Variants in INPP4B observed in about 807,000 individuals in gnomAD.
INPP4B encodes the protein inositol polyphosphate-4-phosphatase type II B.
In INPP4B, 55 loss-of-function variants were observed where a neutral mutation model predicts 122.5. That is an observed-to-expected ratio of 0.45 (90% CI 0.36 to 0.56). The LOEUF is 0.56. INPP4B is among the 20% of genes least tolerant of loss of function. The pLI is 0.00. For missense variants in INPP4B, 1,000 were observed against 1,097.7 expected (o/e 0.91, Z 1.26); for synonymous variants, 403 against 388.7 (o/e 1.04, Z -0.43).
chr4:142,631,533 C>T lies in INPP4B; in HGVS notation c.-191+94306G>A, dbSNP rs542202762. ...GATAATTGCATTATTGGAAACAATA[C>T]GGACTAAAAACGTTCCAAAATTTAT... On this transcript the variant is annotated intron_variant, in intron 2 of 25. Coordinates refer to ENST00000262992, the MANE Select transcript of INPP4B (RefSeq NM_001101669.3). Among the ~76,000 whole-genome samples, 8 of 152,040 alleles carry T rather than the reference C, an allele frequency of 5.3e-5. No individual in the cohort carries two copies. The East Asian group carries it at 5.8e-4, about 11-fold the overall frequency.
intron 5 of INPP4B, among the ~76,000 whole-genome samples, chr4:142,415,998 T>A (rs1189206751): frequency 6.8e-6 from 1 of 146,146 alleles, no homozygotes; most frequent in Non-Finnish European, 1.5e-5. Flanking sequence ...CTCTGGGGAC[T>A]GTTGTGGGGT....
At chr4:142,053,081 C>T (rs2152401189) in intron 25 of INPP4B, among the ~76,000 whole-genome samples, 1 of 152,132 alleles carries the variant, frequency 6.6e-6, no homozygotes, top group South Asian at 2.1e-4. Context: ...GAGGTATTGT[C>T]TGGGAGAGAC....
At chr4:142,098,138 G>C (rs965997609) in intron 23 of INPP4B, among the ~76,000 whole-genome samples, 6 of 152,078 alleles carry the variant, frequency 3.9e-5, no homozygotes, top group Non-Finnish European at 7.4e-5. Flanking sequence ...TGACCTATAA[G>C]GGGGAAGGCA....
rs562270124 is a variant in INPP4B, at chr4:142,075,739, A to G, written c.2642+6292T>C. Among the ~76,000 whole-genome samples the G allele has an allele frequency of 3.3e-5, 5 of 152,128 alleles. No homozygotes were observed. The South Asian group carries it at 1.0e-3, about 32-fold the overall frequency. On this transcript the variant is annotated intron_variant, in intron 25 of 25. Coordinates refer to ENST00000262992, the MANE Select transcript of INPP4B (RefSeq NM_001101669.3). ...CCACTGGGTGCAGAGACTTTAAGTC[A>G]TCTCATTTATCACAACACTCACAAG...
chr4:142,554,755 G>T (rs1728787051), intron 2 of INPP4B, among the ~76,000 whole-genome samples: 1 of 152,188 alleles, frequency 6.6e-6, no homozygotes, highest in Admixed American at 6.5e-5. Context: ...AAAAAAGAGT[G>T]TTATTTGTTA....
At position 142,099,436 on chromosome 4, in the gene INPP4B, T is replaced by A. The variant is rs575011511; in HGVS notation, c.2374+8657A>T. On this transcript the variant is annotated intron_variant, in intron 23 of 25. Coordinates refer to ENST00000262992, the MANE Select transcript of INPP4B (RefSeq NM_001101669.3). ...GATAACTGACTGGATTTTTCATTTATATATTTGGATGTCTACATGGTATGA... is the reference window on the plus strand; with the variant it reads ...GATAACTGACTGGATTTTTCATTTAAATATTTGGATGTCTACATGGTATGA... 1.6e-4 allele frequency among the ~76,000 whole-genome samples: 24 copies of A among 152,294 alleles called. No homozygotes were observed. The South Asian group carries it at 5.0e-3, about 32-fold the overall frequency.
At chr4:142,375,791 G>T (rs907529955) in intron 7 of INPP4B, among the ~76,000 whole-genome samples, 1 of 151,900 alleles carries the variant, frequency 6.6e-6, no homozygotes, top group African/African-American at 2.4e-5. Context: ...TGATTAGCAT[G>T]GTAAAGTGGA....
intron 23 of INPP4B, among the ~76,000 whole-genome samples, chr4:142,089,749 G>A (rs751233642): frequency 6.6e-6 from 1 of 152,010 alleles, no homozygotes; most frequent in East Asian, 1.9e-4. Flanking sequence ...CATTGCACTC[G>A]AAATTTTTGT....
chr4:142,347,445 C>A, intron 7 of INPP4B: 1 of 420,954 alleles, frequency 2.4e-6, no homozygotes, highest in Non-Finnish European at 4.7e-6. Context: ...TGAAGTATTG[C>A]ATCACAGCTG....
chr4:142,173,834 G>A (rs1320981763), intron 15 of INPP4B, 25 bp from the exon 16 acceptor site: 1 of 1,588,924 alleles, frequency 6.3e-7, no homozygotes, highest in South Asian at 1.1e-5. Flanking sequence ...ATAAAAATAA[G>A]TTACACAAAC....
At chr4:142,286,343 A>G (rs779493413) in intron 9 of INPP4B, among the ~76,000 whole-genome samples, 26 of 152,340 alleles carry the variant, frequency 1.7e-4, no homozygotes, top group Non-Finnish European at 3.7e-4. Flanking sequence ...TCTAAATAAA[A>G]GAATCCATGT....
intron 2 of INPP4B, among the ~76,000 whole-genome samples, chr4:142,611,637 CTTTTTTTTTTTTTTT>C (rs34482115): frequency 1.5e-5 from 1 of 65,236 alleles, no homozygotes; most frequent in Admixed American, 2.4e-4. Flanking sequence ...TTTCTTTTTT[CTTTTTTTTTTTTTTT>C]TTTTTTTTTG....
At chr4:142,586,441 A>G (rs1736232428) in intron 2 of INPP4B, among the ~76,000 whole-genome samples, 1 of 152,188 alleles carries the variant, frequency 6.6e-6, no homozygotes, top group African/African-American at 2.4e-5. Context: ...TTGGAACCAT[A>G]TATTTTCCAA....
intron 2 of INPP4B, among the ~76,000 whole-genome samples, chr4:142,563,288 T>C (rs759408062): frequency 2.0e-5 from 3 of 152,198 alleles, no homozygotes; most frequent in Non-Finnish European, 2.9e-5. Context: ...TTTGAGAGTG[T>C]TGGCTTCATT....
chr4:142,179,662 C>T (rs1056502169), intron 15 of INPP4B, among the ~76,000 whole-genome samples: 1 of 151,988 alleles, frequency 6.6e-6, no homozygotes, highest in Non-Finnish European at 1.5e-5. Flanking sequence ...TTTTAGTTTG[C>T]AAGTTCTTAC....
At chr4:142,824,202 G>A (rs999150160) in intron 1 of INPP4B, among the ~76,000 whole-genome samples, 5 of 152,054 alleles carry the variant, frequency 3.3e-5, no homozygotes, top group Admixed American at 6.6e-5. Context: ...CTTGCAGATG[G>A]CAGATTGTGG....
At chr4:142,218,107 C>T (rs970644508) in intron 12 of INPP4B, among the ~76,000 whole-genome samples, 8 of 151,838 alleles carry the variant, frequency 5.3e-5, no homozygotes, top group Admixed American at 2.0e-4. Flanking sequence ...ACTAACTATG[C>T]TGGGATTCCA....
At chr4:142,419,276 A>G (rs2149297675) in intron 5 of INPP4B, among the ~76,000 whole-genome samples, 1 of 152,286 alleles carries the variant, frequency 6.6e-6, no homozygotes, top group African/African-American at 2.4e-5. Context: ...AGCTCTGTGG[A>G]AAAGTGAGAG....
intron 12 of INPP4B, among the ~76,000 whole-genome samples, chr4:142,236,259 G>A (rs1287477796): frequency 6.6e-6 from 1 of 152,166 alleles, no homozygotes; most frequent in Non-Finnish European, 1.5e-5. Flanking sequence ...CAACCATGTT[G>A]AGCATAATGA....
Sources: gnomAD v4.1 joint callset for allele counts (sites outside exome capture counted in the v4.1 genomes callset) on GRCh38, gnomAD v4.1.1 for gene constraint, MANE v1.5 for transcripts, NCBI Gene and HGNC (gene_info 2026-07-23, HGNC 2026-07-21) for gene names.